FBF1: variants seen among roughly 807,000 people sequenced by gnomAD.
The protein encoded by FBF1 is Fas binding factor 1.
A neutral mutation model predicts 147.2 loss-of-function variants in FBF1; 119 were observed. That is an observed-to-expected ratio of 0.81 (90% CI 0.70 to 0.94). FBF1 has a LOEUF of 0.94. Among genes scored for constraint, FBF1 ranks in the 40% least tolerant of loss-of-function variants. The pLI, the probability that FBF1 is intolerant of heterozygous loss-of-function variation, is 0.00. For missense variants in FBF1, 1,449 were observed against 1,500.8 expected (o/e 0.97, Z 0.57); for synonymous variants, 601 against 609.0 (o/e 0.99, Z 0.19).
At chr17:75,914,682 T>A in intron 25 of FBF1, 65 bp downstream of exon 25, 1 of 1,433,110 alleles carries the variant, frequency 7.0e-7, no homozygotes, top group Admixed American at 2.7e-5. Context: ...TGGAAGCGGA[T>A]GTGTCCAGAT....
At chr17:75,937,434 C>A in intron 3 of FBF1, 132 bp downstream of exon 3, 1 of 941,858 alleles carries the variant, frequency 1.1e-6, no homozygotes, top group Non-Finnish European at 1.7e-6. Context: ...CCTCCCAAAG[C>A]GCTGGGATTA....
intron 28 of FBF1, chr17:75,913,406 C>T (rs1300965055): frequency 2.2e-5 from 6 of 269,528 alleles, no homozygotes; most frequent in East Asian, 1.4e-4. Context: ...CCTCGGCTGC[C>T]GAAAGTGCTG....
intron 3 of FBF1, among the ~76,000 whole-genome samples, chr17:75,936,392 T>C (rs2065625413): frequency 6.6e-6 from 1 of 151,826 alleles, no homozygotes; most frequent in Non-Finnish European, 1.5e-5. Flanking sequence ...CTGGAGAGGA[T>C]GAGGCAGGAG....
rs2065451090 is a variant in FBF1 at position 75,910,594 on chromosome 17, CG to C, written c.*128del. 1.3e-6 allele frequency: 1 copy of C among 783,472 alleles called. No homozygotes were observed. Among genetic ancestry groups the C allele is most frequent in the Non-Finnish European group, 2.1e-6 (1 of 484,712 alleles). The allele number at this position is 783,472 out of a possible 1,614,324, so 48.5% of individuals were successfully genotyped here. A position where few individuals can be genotyped will look rare whatever the true frequency, so the allele number is the denominator to read the frequency against. On this transcript the variant is annotated 3_prime_UTR_variant, in exon 30 of 30. Transcript: ENST00000636174. The surrounding 1 kb of genome is among the most constrained non-coding windows in gnomAD (Gnocchi z 4.1). Reference sequence around the variant, plus strand: ...AAAGGATGCACTTGCACCCTGTCCACGGAAGAGCTGTCATCAGGCCTCAAGC... The same window carrying C: ...AAAGGATGCACTTGCACCCTGTCCACGAAGAGCTGTCATCAGGCCTCAAGC...
At position 75,920,126 on chromosome 17, in the gene FBF1, G is replaced by A; in HGVS notation, c.1831-19C>T. 3 of 1,580,068 alleles carry A rather than the reference G, an allele frequency of 1.9e-6. No individual in the cohort carries two copies. Among genetic ancestry groups the A allele is most frequent in the Non-Finnish European group, 2.6e-6 (3 of 1,163,966 alleles). On this transcript the variant is annotated intron_variant, in intron 18 of 29. Transcript: ENST00000636174. ...TCCGCACCTGGGAGACAGCAGGAGG[G>A]CCAGCAACCAGGGAGGGGAGGTGGC...
intron 1 of FBF1, among the ~76,000 whole-genome samples, chr17:75,940,423 T>A (rs1479061220): frequency 2.0e-5 from 3 of 152,192 alleles, no homozygotes; most frequent in Non-Finnish European, 2.9e-5. Flanking sequence ...CGGCAAATTT[T>A]AAAATTTTTT....
intron 3 of FBF1, 61 bp from the exon 4 acceptor site, chr17:75,935,734 T>C: frequency 6.7e-7 from 1 of 1,491,614 alleles, no homozygotes; most frequent in African/African-American, 1.4e-5. Context: ...CTTATAAACA[T>C]CAAGGCTTGA....
chr17:75,925,924 A>G lies in FBF1; in HGVS notation c.868+106T>C, dbSNP rs2065558076. On this transcript the variant is annotated intron_variant, in intron 12 of 29. Transcript: ENST00000636174. The surrounding 1 kb of genome is among the most constrained non-coding windows in gnomAD (Gnocchi z 5.0). ...CTCAGCTATAGACGTGTATAATCAC[A>G]TGTGTGTATCAGGATGTGAGGCTGA... The G allele has an allele frequency of 1.4e-6, 2 of 1,405,836 alleles. No individual in the cohort carries two copies. Among genetic ancestry groups the G allele is most frequent in the African/African-American group, 1.4e-5 (1 of 69,336 alleles). The allele number at this position is 1,405,836 out of a possible 1,614,324, so 87.1% of individuals were successfully genotyped here.
rs1244852690 is a variant in FBF1 at position 75,910,806 on chromosome 17, C to A, written c.3364G>T (p.Asp1122Tyr). ...TGTTCATTCTCCAAGAAGTCACGGT[C>A]CTGCAAGGCAGGTTTGGATGGGCGG... is the stretch of plus-strand genomic sequence containing the variant. ...LALLRHMAEQ[D>Y]RDFLENEQFF... Residue 1122 changes from aspartate to tyrosine, a missense_variant and splice_region_variant, in exon 30 of 30, where the codon GAC (aspartate) becomes TAC (tyrosine). Transcript: ENST00000636174. The surrounding 1 kb of genome is among the most constrained non-coding windows in gnomAD (Gnocchi z 4.1). The A allele has an allele frequency of 6.2e-7, 1 of 1,607,568 alleles. No homozygotes were observed. Among genetic ancestry groups the A allele is most frequent in the South Asian group, 1.1e-5 (1 of 89,714 alleles).
At chr17:75,939,416 T>A (rs1458642176) in intron 1 of FBF1, among the ~76,000 whole-genome samples, 1 of 151,282 alleles carries the variant, frequency 6.6e-6, no homozygotes, top group East Asian at 2.0e-4. Context: ...ATGCAGCAAG[T>A]GGCAAGTACT....
chr17:75,935,513 T>G, intron 4 of FBF1, 119 bp downstream of exon 4: 3 of 1,043,112 alleles, frequency 2.9e-6, no homozygotes, highest in East Asian at 2.8e-5. Context: ...AGCACTTTGG[T>G]TTAGGAGGCG....
chr17:75,937,882 A>G, intron 2 of FBF1: 2 of 627,882 alleles, frequency 3.2e-6, no homozygotes, highest in Non-Finnish European at 5.6e-6. Flanking sequence ...ATGTGACCGG[A>G]AATGTCTTCT....
intron 8 of FBF1, 136 bp from the exon 9 acceptor site, chr17:75,927,668 G>A (rs1567862440): frequency 2.8e-6 from 2 of 718,548 alleles, no homozygotes; most frequent in Admixed American, 2.6e-5. Flanking sequence ...CATGGGCACA[G>A]CCAAGGGAGG....
Position 75,936,674 on chromosome 17 carries a change from TA to T in FBF1, c.31+891del, listed in dbSNP as rs993807031. ...CGGGCAACAGAGCAAGACTCCGTCT[TA>T]AAAAAAAAAACAAAAAAACACAACT... On this transcript the variant is annotated intron_variant, in intron 3 of 29. Transcript: ENST00000636174. Among the ~76,000 whole-genome samples, 142 of 142,928 alleles carry T rather than the reference TA, an allele frequency of 9.9e-4. 3 individuals carry two copies. The East Asian group carries it at 0.024, about 24-fold the overall frequency. The allele number at this position is 142,928 out of a possible 152,430, so 93.8% of individuals were successfully genotyped here. A position where few individuals can be genotyped will look rare whatever the true frequency, so the allele number is the denominator to read the frequency against.
intron 13 of FBF1, among the ~76,000 whole-genome samples, chr17:75,924,939 C>T (rs942293262): frequency 2.0e-5 from 3 of 151,972 alleles, no homozygotes; most frequent in African/African-American, 7.2e-5. Context: ...CAGCAGAGTT[C>T]CTGGGAAGCG....
intron 28 of FBF1, among the ~76,000 whole-genome samples, chr17:75,913,144 CTTTTT>C (rs869041751): frequency 2.0e-4 from 25 of 124,066 alleles, no homozygotes; most frequent in East Asian, 4.7e-4. Flanking sequence ...TTGAGGGTGA[CTTTTT>C]TTTTTTTTTT....
intron 15 of FBF1, 46 bp from the exon 16 acceptor site, chr17:75,921,606 C>T: frequency 2.0e-6 from 3 of 1,486,468 alleles, no homozygotes; most frequent in Non-Finnish European, 1.8e-6. Context: ...CTGTGTGGGA[C>T]ACGGGGACGG....
At position 75,914,195 on chromosome 17, in the gene FBF1, A is replaced by AGCCGCAGCTCCT. The variant is rs1157707940; in HGVS notation, c.2906_2917dup (p.Gln969_Arg972dup). The AGCCGCAGCTCCT allele has an allele frequency of 1.3e-6, 2 of 1,593,978 alleles. No individual in the cohort carries two copies. Among genetic ancestry groups the AGCCGCAGCTCCT allele is most frequent in the East Asian group, 2.3e-5 (1 of 43,920 alleles). ...GGTGGCGTTGATCCTCTCCTTCTCC[A>AGCCGCAGCTCCT]GCCGCAGCTCCTGCCGCTCCTGCTC... is the stretch of plus-strand genomic sequence containing the variant. On this transcript the variant is annotated inframe_insertion, in exon 26 of 30. Coordinates refer to ENST00000636174, the MANE Select transcript of FBF1 (RefSeq NM_001319193.2).
intron 29 of FBF1, among the ~76,000 whole-genome samples, chr17:75,911,581 C>A (rs1229911890): frequency 7.9e-5 from 12 of 152,096 alleles, no homozygotes; most frequent in Admixed American, 7.9e-4. Flanking sequence ...TGCAGTGGCA[C>A]CGTTGTGGCT....
Sources: gnomAD v4.1 joint callset for allele counts (sites outside exome capture counted in the v4.1 genomes callset) on GRCh38, gnomAD v4.1.1 for gene constraint, Gnocchi (gnomAD v3.1) non-coding constraint, MANE v1.5 for transcripts, NCBI Gene and HGNC (gene_info 2026-07-23, HGNC 2026-07-21) for gene names.